CBLB: variants seen among roughly 807,000 people sequenced by gnomAD.
CBLB encodes the protein E3 ubiquitin-protein ligase CBL-B.
CBLB carries 31 observed loss-of-function variants against 104.9 expected under a neutral mutation model. The ratio of observed to expected loss-of-function variants is 0.30; its 90% CI spans 0.22 to 0.40. The LOEUF is 0.40. CBLB is among the 10% of genes least tolerant of loss of function. The pLI, the probability that CBLB is intolerant of heterozygous loss-of-function variation, is 1.00. For synonymous variants in CBLB, 440 were observed against 422.6 expected, an observed-to-expected ratio of 1.04 and a Z score of -0.51; for missense variants, 1,062 against 1,214.6, an observed-to-expected ratio of 0.87 and a Z score of 1.87.
intron 13 of CBLB, among the ~76,000 whole-genome samples, chr3:105,686,838 A>C (rs986292796): frequency 6.6e-6 from 1 of 152,168 alleles, no homozygotes; most frequent in Non-Finnish European, 1.5e-5. Context: ...AAAAGCACAG[A>C]GACAAAAGCA....
chr3:105,850,627 T>C (rs1277920355), intron 3 of CBLB, among the ~76,000 whole-genome samples: 1 of 152,194 alleles, frequency 6.6e-6, no homozygotes, highest in South Asian at 2.1e-4. Context: ...AGATAGATCC[T>C]GAAATTTAAC....
chr3:105,849,791 T>C (rs1442048215), intron 3 of CBLB, among the ~76,000 whole-genome samples: 20 of 152,082 alleles, frequency 1.3e-4, no homozygotes, highest in Non-Finnish European at 1.8e-4. Flanking sequence ...ATGGATGACT[T>C]GGCTGGATCA....
At chr3:105,759,674 C>T (rs2077425597) in intron 4 of CBLB, among the ~76,000 whole-genome samples, 1 of 152,250 alleles carries the variant, frequency 6.6e-6, no homozygotes. Context: ...CACAGCTTTG[C>T]TCCATCCCAG....
intron 3 of CBLB, among the ~76,000 whole-genome samples, chr3:105,780,660 G>GATT (rs755893938): frequency 2.1e-5 from 2 of 94,018 alleles, no homozygotes; most frequent in Non-Finnish European, 3.8e-5. Flanking sequence ...TTTGTTTTTT[G>GATT]TTTTTTTTTT....
chr3:105,670,536 A>G (rs2064959896), intron 17 of CBLB, 184 bp from the exon 18 acceptor site: 1 of 580,938 alleles, frequency 1.7e-6, no homozygotes. Flanking sequence ...TCACTTGCTT[A>G]AATATGCTCT....
intron 12 of CBLB, among the ~76,000 whole-genome samples, chr3:105,695,761 T>C: frequency 6.6e-6 from 1 of 151,806 alleles, no homozygotes; most frequent in East Asian, 1.9e-4. Flanking sequence ...TCTGATAATA[T>C]TTTGCTCATG....
At chr3:105,852,813 G>A (rs1057088227) in intron 3 of CBLB, among the ~76,000 whole-genome samples, 2 of 152,052 alleles carry the variant, frequency 1.3e-5, no homozygotes, top group Non-Finnish European at 1.5e-5. Context: ...CACCTCCTGG[G>A]TTCAAGCGAT....
chr3:105,736,386 T>C (rs911837335), intron 8 of CBLB, among the ~76,000 whole-genome samples: 4 of 152,176 alleles, frequency 2.6e-5, no homozygotes, highest in African/African-American at 7.2e-5. Context: ...ATAATGCAAC[T>C]TGACCAAATG....
At chr3:105,832,608 C>T (rs565142987) in intron 3 of CBLB, among the ~76,000 whole-genome samples, 1 of 152,300 alleles carries the variant, frequency 6.6e-6, no homozygotes, top group East Asian at 1.9e-4. Context: ...GGCTTTATCA[C>T]TATTAAATTT....
At position 105,855,241 on chromosome 3, in the gene CBLB, G is replaced by C. The variant is rs565439237; in HGVS notation, c.169-1577C>G. 2.0e-5 allele frequency among the ~76,000 whole-genome samples: 3 copies of C among 152,260 alleles called. No homozygotes were observed. The East Asian group carries it at 5.8e-4, about 29-fold the overall frequency. On this transcript the variant is annotated intron_variant, in intron 2 of 18. Coordinates refer to ENST00000394030, the MANE Select transcript of CBLB (RefSeq NM_170662.5). ...CAAAGAAACAGAGAGTAGAACAGTG[G>C]GTGGGCCCCAGGGATGGGGAGGGGA...
chr3:105,695,195 G>C (rs1450339156), intron 12 of CBLB, among the ~76,000 whole-genome samples: 1 of 151,646 alleles, frequency 6.6e-6, no homozygotes, highest in African/African-American at 2.4e-5. Context: ...GTTATTTTAG[G>C]ACAAAGCATC....
intron 17 of CBLB, among the ~76,000 whole-genome samples, chr3:105,677,486 C>T (rs2065798152): frequency 6.6e-6 from 1 of 151,602 alleles, no homozygotes; most frequent in Non-Finnish European, 1.5e-5. Flanking sequence ...AAAGGACAAA[C>T]TGAGCACTTT....
intron 9 of CBLB, among the ~76,000 whole-genome samples, chr3:105,722,480 C>G (rs913314624): frequency 1.3e-4 from 20 of 152,204 alleles, no homozygotes; most frequent in African/African-American, 4.8e-4. Flanking sequence ...ACTCTTAGAT[C>G]GTTTTGAAGT....
At chr3:105,767,531 A>G (rs973991749) in intron 4 of CBLB, among the ~76,000 whole-genome samples, 4 of 147,594 alleles carry the variant, frequency 2.7e-5, no homozygotes, top group African/African-American at 9.9e-5. Flanking sequence ...GGATACACAT[A>G]AAATAATTTT....
intron 4 of CBLB, among the ~76,000 whole-genome samples, chr3:105,768,078 G>A (rs1048038313): frequency 8.5e-5 from 13 of 152,302 alleles, no homozygotes; most frequent in Middle Eastern, 3.4e-3. Context: ...ATTGTGCTGA[G>A]CTACTTTAGA....
intron 3 of CBLB, among the ~76,000 whole-genome samples, chr3:105,803,726 A>G (rs1702918113): frequency 6.6e-6 from 1 of 152,254 alleles, no homozygotes; most frequent in South Asian, 2.1e-4. Context: ...AATATAACAA[A>G]GTTAATAAAG....
chr3:105,869,409 T>C (rs1333621239), upstream of CBLB: 7 of 1,337,130 alleles, frequency 5.2e-6, no homozygotes, highest in Non-Finnish European at 6.9e-6. Context: ...AAGGCGGGAC[T>C]TCCTGCTTCG....
intron 14 of CBLB, among the ~76,000 whole-genome samples, chr3:105,684,275 A>G (rs1459039947): frequency 6.6e-6 from 1 of 152,240 alleles, no homozygotes; most frequent in Admixed American, 6.5e-5. Flanking sequence ...ACCAGAACTC[A>G]GAAAGTAAGT....
chr3:105,684,789 G>A (rs774619662), intron 14 of CBLB, among the ~76,000 whole-genome samples: 9 of 152,184 alleles, frequency 5.9e-5, no homozygotes, highest in Non-Finnish European at 8.8e-5. Flanking sequence ...CTGACCTCAT[G>A]ATCTGCCCGC....
Sources: gnomAD v4.1 joint callset for allele counts (sites outside exome capture counted in the v4.1 genomes callset) on GRCh38, gnomAD v4.1.1 for gene constraint, MANE v1.5 for transcripts, NCBI Gene and HGNC (gene_info 2026-07-23, HGNC 2026-07-21) for gene names.